CYP2F1: variants seen among roughly 807,000 people sequenced by gnomAD.
The protein encoded by CYP2F1 is cytochrome P450 2F1.
A neutral mutation model predicts 40.4 loss-of-function variants in CYP2F1; 33 were observed. That is an observed-to-expected ratio of 0.82 (90% CI 0.62 to 1.09). The LOEUF (loss-of-function observed/expected upper bound fraction) is 1.09, where lower values mean the gene tolerates loss of function less well. Among genes scored for constraint, CYP2F1 ranks in the 50% least tolerant of loss-of-function variants. CYP2F1 has a pLI of 0.00. For synonymous variants in CYP2F1, 235 were observed against 277.2 expected (o/e 0.85, Z 1.51); for missense variants, 566 against 655.7 (o/e 0.86, Z 1.49).
At chr19:41,121,023 T>C (rs2032164443) in intron 4 of CYP2F1, among the ~76,000 whole-genome samples, 1 of 152,002 alleles carries the variant, frequency 6.6e-6, no homozygotes, top group Non-Finnish European at 1.5e-5. Context: ...CTTTATGTGT[T>C]GGTGTGTGGT....
chr19:41,123,224 G>A (rs1174589406), intron 7 of CYP2F1: 1 of 554,284 alleles, frequency 1.8e-6, no homozygotes, highest in Non-Finnish European at 3.4e-6. Context: ...TGGAGACGGA[G>A]TCTGGCTCTG....
At chr19:41,120,310 G>A (rs1331339297) in intron 3 of CYP2F1, 37 bp from the exon 4 acceptor site, 14 of 1,552,482 alleles carry the variant, frequency 9.0e-6, no homozygotes, top group African/African-American at 1.4e-5. Flanking sequence ...CTCAGGATGA[G>A]TTCCCGGTTA....
intron 6 of CYP2F1, among the ~76,000 whole-genome samples, chr19:41,122,547 T>TCATA (rs977371554): frequency 1.3e-4 from 19 of 151,096 alleles, no homozygotes; most frequent in Non-Finnish European, 2.4e-4. Flanking sequence ...CATACATACA[T>TCATA]CATACATACA....
chr19:41,116,697 A>C, intron 3 of CYP2F1, 80 bp downstream of exon 3: 1 of 1,491,130 alleles, frequency 6.7e-7, no homozygotes, highest in African/African-American at 1.4e-5. Context: ...CTGTTGTCTC[A>C]ATCTTGTTGA....
intron 1 of CYP2F1, among the ~76,000 whole-genome samples, chr19:41,115,596 A>ATGATAGAT (rs2031744080): frequency 6.6e-6 from 1 of 152,202 alleles, no homozygotes; most frequent in African/African-American, 2.4e-5. Context: ...TAGTAGATAG[A>ATGATAGAT]TGATAGATAT....
At position 41,121,415 on chromosome 19, in the gene CYP2F1, T is replaced by C. The variant is rs770584591; in HGVS notation, c.485-43T>C. 43 of 1,582,858 alleles carry C rather than the reference T, an allele frequency of 2.7e-5. 2 individuals are homozygous for C. Among genetic ancestry groups the C allele is most frequent in the Admixed American group, 8.6e-5 (5 of 58,264 alleles). Reference sequence around the variant, plus strand: ...TGTTGCTGCATGAGGTCTGGTGTGCTGCACATCGCGTCTTCCTGATCCATT... The same window carrying C: ...TGTTGCTGCATGAGGTCTGGTGTGCCGCACATCGCGTCTTCCTGATCCATT... On this transcript the variant is annotated intron_variant, in intron 4 of 9. Coordinates refer to ENST00000331105, the MANE Select transcript of CYP2F1 (RefSeq NM_000774.5).
chr19:41,126,482 T>A (rs1264497534), intron 9 of CYP2F1, among the ~76,000 whole-genome samples: 1 of 151,968 alleles, frequency 6.6e-6, no homozygotes, highest in Non-Finnish European at 1.5e-5. Context: ...CCAGGCACAT[T>A]GGCTCACACC....
intron 3 of CYP2F1, among the ~76,000 whole-genome samples, chr19:41,119,755 A>ACACT (rs2032069691): frequency 1.0e-5 from 1 of 100,292 alleles, no homozygotes; most frequent in Admixed American, 1.1e-4. Context: ...ATATACACAC[A>ACACT]CACACACACA....
At position 41,121,476 on chromosome 19, in the gene CYP2F1, C is replaced by G. The variant is rs1288556893; in HGVS notation, c.503C>G (p.Thr168Arg). 5 of 1,609,874 alleles carry G rather than the reference C, an allele frequency of 3.1e-6. No homozygotes were observed. In the East Asian group the frequency reaches 1.1e-4, roughly 36 times the overall value. ...CCCTCAGGCGAGCCCTTTGACCCCA[C>G]GTTTGTGCTGAGTCGCTCAGTGTCC... Reference protein sequence around the residue: ...RKTEGEPFDPTFVLSRSVSNI... With the variant: ...RKTEGEPFDPRFVLSRSVSNI... The change falls in exon 5 of 10, where the codon ACG becomes AGG. Residue 168 changes from threonine to arginine, a missense_variant. By Grantham distance (71) the Thr-to-Arg change is moderately conservative. Around this residue, in one of 5 missense-constraint regions of CYP2F1, gnomAD observed 264 missense variants for 275.7 expected, o/e 0.96. Coordinates refer to ENST00000331105, the MANE Select transcript of CYP2F1 (RefSeq NM_000774.5).
chr19:41,122,789 C>G (rs1568380207), intron 6 of CYP2F1, 33 bp from the exon 7 acceptor site: 1 of 1,513,332 alleles, frequency 6.6e-7, no homozygotes, highest in Admixed American at 2.3e-5. Context: ...GCCTCCATTC[C>G]TGGCTCACAT....
intron 3 of CYP2F1, among the ~76,000 whole-genome samples, chr19:41,119,682 CGT>C (rs1568377133): frequency 3.5e-5 from 1 of 28,974 alleles, no homozygotes; most frequent in Non-Finnish European, 6.4e-5. Context: ...AGCAAGACTC[CGT>C]CTCTCTCTCT....
At chr19:41,124,670 C>T (rs1169971152) in intron 7 of CYP2F1, 49 bp from the exon 8 acceptor site, 2 of 1,546,808 alleles carry the variant, frequency 1.3e-6, no homozygotes, top group Admixed American at 3.5e-5. Flanking sequence ...CCTGGTTGCC[C>T]TGTCGCGCCC....
intron 4 of CYP2F1, among the ~76,000 whole-genome samples, chr19:41,121,147 G>A (rs1228612869): frequency 1.3e-5 from 2 of 152,046 alleles, no homozygotes; most frequent in Non-Finnish European, 2.9e-5. Context: ...GTTGTGTTCC[G>A]TGATGCCTGA....
In CYP2F1 at chr19:41,122,915, A is replaced by T; in HGVS notation, c.916A>T (p.Thr306Ser). 2 of 1,612,450 alleles carry T rather than the reference A, an allele frequency of 1.2e-6. No homozygotes were observed. The highest frequency in any genetic ancestry group is 8.5e-7 in the Non-Finnish European group (1 of 1,179,138). The change falls in exon 7 of 10, where the codon ACG (threonine) becomes TCG (serine). Residue 306 changes from threonine (T) to serine (S), a missense_variant. Around this residue, in one of 5 missense-constraint regions of CYP2F1, gnomAD observed 128 missense variants for 121.0 expected, o/e 1.06. Transcript: ENST00000331105. ...TGGCGGCACCAAGACGGTGAGCACC[A>T]CGCTGCACCACGCCTTCCTGGCACT... ...LFGGTKTVST[T>S]LHHAFLALMK...
Position 41,123,770 on chromosome 19 carries a change from C to A in CYP2F1, c.964+807C>A, listed in dbSNP as rs377146934. Among the ~76,000 whole-genome samples, 128 of 152,070 alleles carry A rather than the reference C, an allele frequency of 8.4e-4. 1 individual carries two copies. The South Asian group carries it at 0.026, about 31-fold the overall frequency. On this transcript the variant is annotated intron_variant, in intron 7 of 9. Transcript: ENST00000331105. ...AACTCCTGGGCTCAAGCAATCCTCT[C>A]ACCTTGGCCTCCCAAAGTGCTGGGG...
chr19:41,120,709 T>G (rs979867016), intron 4 of CYP2F1, among the ~76,000 whole-genome samples: 1 of 152,092 alleles, frequency 6.6e-6, no homozygotes, highest in Non-Finnish European at 1.5e-5. Flanking sequence ...CTCAAACTCC[T>G]GTGTGCAAAT....
At chr19:41,125,179 C>T (rs956730268) in intron 8 of CYP2F1, 33 of 581,552 alleles carry the variant, frequency 5.7e-5, no homozygotes, top group African/African-American at 5.1e-4. Context: ...TCTGGAACTT[C>T]ATCTGGAGGA....
At chr19:41,125,748 C>T in intron 9 of CYP2F1, 114 bp downstream of exon 9, 1 of 1,611,772 alleles carries the variant, frequency 6.2e-7, no homozygotes, top group East Asian at 2.2e-5. Context: ...GCTTTGGATG[C>T]ACAGAGACAT....
chr19:41,124,115 C>T (rs1403018816), intron 7 of CYP2F1, among the ~76,000 whole-genome samples: 1 of 151,936 alleles, frequency 6.6e-6, no homozygotes, highest in East Asian at 1.9e-4. Flanking sequence ...CCCATCAGGT[C>T]CTGGATTCCA....
Sources: gnomAD v4.1 joint callset for allele counts (sites outside exome capture counted in the v4.1 genomes callset) on GRCh38, gnomAD v4.1.1 for gene constraint, gnomAD v4.1.1 regional missense constraint, MANE v1.5 for transcripts, NCBI Gene and HGNC (gene_info 2026-07-23, HGNC 2026-07-21) for gene names.